The following ARHGEF4 variants were observed in gnomAD, a reference collection of about 807,000 sequenced individuals.
The protein encoded by ARHGEF4 is APC-stimulated guanine nucleotide exchange factor 1.
In ARHGEF4, 119 loss-of-function variants were observed where a neutral mutation model predicts 162.0. That is an observed-to-expected ratio of 0.73 (90% CI 0.63 to 0.86). ARHGEF4 has a LOEUF of 0.86. ARHGEF4 is among the 40% of genes least tolerant of loss of function. The pLI is 0.00. For missense variants in ARHGEF4, 2,488 were observed against 2,456.0 expected (o/e 1.01, Z -0.28); for synonymous variants, 1,014 against 979.9 (o/e 1.03, Z -0.65).
intron 4 of ARHGEF4, among the ~76,000 whole-genome samples, chr2:130,971,220 A>G (rs904148364): frequency 1.3e-5 from 2 of 152,164 alleles, no homozygotes; most frequent in Non-Finnish European, 2.9e-5. Context: ...ACAACAGTCT[A>G]TATTTGTGTT....
chr2:131,035,557 G>A, intron 5 of ARHGEF4: 1 of 666,824 alleles, frequency 1.5e-6, no homozygotes, highest in Non-Finnish European at 1.9e-6. Context: ...ATTCAGCTGG[G>A]GCTCCCCGGC....
intron 1 of ARHGEF4, among the ~76,000 whole-genome samples, chr2:130,884,479 G>A (rs1430208111): frequency 1.3e-5 from 2 of 152,016 alleles, no homozygotes; most frequent in African/African-American, 4.8e-5. Context: ...TGATTATAAT[G>A]CCTATCTCAG....
chr2:130,946,384 A>G, intron 3 of ARHGEF4, 125 bp from the exon 4 acceptor site: 5 of 1,187,538 alleles, frequency 4.2e-6, no homozygotes, highest in Non-Finnish European at 5.8e-6. Flanking sequence ...GGAGCTGTGC[A>G]TATTTTGGTT....
At chr2:131,015,281 C>A (rs1688704559) in intron 4 of ARHGEF4, among the ~76,000 whole-genome samples, 1 of 152,156 alleles carries the variant, frequency 6.6e-6, no homozygotes, top group African/African-American at 2.4e-5. Context: ...CTCTCCAAAT[C>A]TGAGGTTTTC....
At chr2:130,838,779 G>C (rs1055785627) in intron 1 of ARHGEF4, among the ~76,000 whole-genome samples, 1 of 152,136 alleles carries the variant, frequency 6.6e-6, no homozygotes, top group African/African-American at 2.4e-5. Context: ...GAAGATGGCC[G>C]GACAGAATCC....
chr2:130,962,863 C>T (rs1684715322), intron 4 of ARHGEF4, among the ~76,000 whole-genome samples: 1 of 152,188 alleles, frequency 6.6e-6, no homozygotes, highest in Admixed American at 6.5e-5. Flanking sequence ...TGATTAGCCG[C>T]TATCACGACT....
chr2:130,914,984 G>A lies in ARHGEF4; in HGVS notation c.1038G>A (p.Glu346=), dbSNP rs1278297777. 9 of 1,550,464 alleles carry A rather than the reference G, an allele frequency of 5.8e-6. No homozygotes were observed. In the Middle Eastern group the frequency reaches 5.0e-4, roughly 86 times the overall value. Residue 346 remains glutamate (E), a synonymous_variant, in exon 2 of 14, where the codon GAG becomes GAA. Coordinates refer to ENST00000409359, the MANE Select transcript of ARHGEF4 (RefSeq NM_001367493.1). ...ATTCCATAGCAGGGTTTTCACCAGA[G>A]TGCCCCGAGGATCCCGTGGGACAGA... ...RAHSIAGFSP[E]CPEDPVGQNV...
intron 4 of ARHGEF4, among the ~76,000 whole-genome samples, chr2:131,019,810 A>AT (rs1392359108): frequency 6.6e-6 from 1 of 151,628 alleles, no homozygotes; most frequent in African/African-American, 2.4e-5. Context: ...ATTTTTTTGT[A>AT]TTTTTAGTAA....
At chr2:130,991,316 G>A (rs1686938662) in intron 4 of ARHGEF4, among the ~76,000 whole-genome samples, 1 of 152,254 alleles carries the variant, frequency 6.6e-6, no homozygotes, top group Non-Finnish European at 1.5e-5. Context: ...CGCTCTTGGC[G>A]CCTCCTCTGC....
chr2:131,004,503 C>G (rs1294184800), intron 4 of ARHGEF4, among the ~76,000 whole-genome samples: 1 of 152,176 alleles, frequency 6.6e-6, no homozygotes, highest in East Asian at 1.9e-4. Context: ...GTATTTCACT[C>G]CCTAATTGTC....
At chr2:130,953,907 G>A (rs1684110178) in intron 4 of ARHGEF4, among the ~76,000 whole-genome samples, 1 of 152,196 alleles carries the variant, frequency 6.6e-6, no homozygotes, top group Admixed American at 6.5e-5. Context: ...GAAACAACAG[G>A]TGTTGGAGAG....
intron 4 of ARHGEF4, among the ~76,000 whole-genome samples, chr2:130,955,398 C>G (rs1427227041): frequency 1.3e-5 from 2 of 152,176 alleles, no homozygotes; most frequent in Non-Finnish European, 2.9e-5. Flanking sequence ...TATAGCCACT[C>G]TGAGAACCGC....
At chr2:130,903,479 C>T (rs997654923) in intron 1 of ARHGEF4, among the ~76,000 whole-genome samples, 1 of 152,124 alleles carries the variant, frequency 6.6e-6, no homozygotes, top group African/African-American at 2.4e-5. Context: ...ATGATGGTCT[C>T]GATCTCTTGA....
chr2:130,954,288 C>T (rs1684134147), intron 4 of ARHGEF4, among the ~76,000 whole-genome samples: 1 of 152,158 alleles, frequency 6.6e-6, no homozygotes, highest in Non-Finnish European at 1.5e-5. Context: ...TCATTCTGAG[C>T]AAACTATCAC....
At chr2:130,920,502 A>G (rs1681807895) in intron 2 of ARHGEF4, among the ~76,000 whole-genome samples, 1 of 152,182 alleles carries the variant, frequency 6.6e-6, no homozygotes, top group Non-Finnish European at 1.5e-5. Flanking sequence ...AGACAGGAGA[A>G]CAGCAGGTAC....
chr2:131,040,497 G>GGCGCCA, intron 8 of ARHGEF4, 57 bp downstream of exon 8: 1 of 1,476,408 alleles, frequency 6.8e-7, no homozygotes, highest in East Asian at 2.5e-5. Context: ...GGCTGCCGCG[G>GGCGCCA]GCGCCAGCGC....
At chr2:130,983,885 G>GT in intron 4 of ARHGEF4, among the ~76,000 whole-genome samples, 1 of 152,146 alleles carries the variant, frequency 6.6e-6, no homozygotes, top group Non-Finnish European at 1.5e-5. Flanking sequence ...TCCTGACCTT[G>GT]TGATCTGCCC....
chr2:130,941,210 AT>A lies in ARHGEF4; in HGVS notation c.3859-5285del, dbSNP rs70994724. On this transcript the variant is annotated intron_variant, in intron 3 of 13. Coordinates refer to ENST00000409359, the MANE Select transcript of ARHGEF4 (RefSeq NM_001367493.1). ...CCACACAGCCGAAAATCCATTTATA[AT>A]TTTTTTTTTTTTTGAGATGGAGTCT... Among the ~76,000 whole-genome samples, 3 of 145,210 alleles carry A rather than the reference AT, an allele frequency of 2.1e-5. No individual in the cohort carries two copies. The Admixed American group carries it at 2.1e-4, about 10-fold the overall frequency.
intron 4 of ARHGEF4, among the ~76,000 whole-genome samples, chr2:130,997,826 C>T (rs1417560142): frequency 1.3e-5 from 2 of 152,168 alleles, no homozygotes; most frequent in African/African-American, 4.8e-5. Flanking sequence ...CAATTTCATC[C>T]ACTAGAAACA....
Sources: gnomAD v4.1 joint callset for allele counts (sites outside exome capture counted in the v4.1 genomes callset) on GRCh38, gnomAD v4.1.1 for gene constraint, MANE v1.5 for transcripts, NCBI Gene and HGNC (gene_info 2026-07-23, HGNC 2026-07-21) for gene names.